The following SYNPR variants were observed in gnomAD, a reference collection of about 807,000 sequenced individuals.
SYNPR encodes the protein synaptoporin.
SYNPR carries 23 observed loss-of-function variants against 32.9 expected under a neutral mutation model. The ratio of observed to expected loss-of-function variants is 0.70; its 90% CI spans 0.50 to 0.99. SYNPR has a LOEUF of 0.99. SYNPR is among the 50% of genes least tolerant of loss of function. The pLI is 0.00. For synonymous variants in SYNPR, 146 were observed against 135.9 expected (o/e 1.07, Z -0.52); for missense variants, 318 against 349.3 (o/e 0.91, Z 0.71).
chr3:63,278,296 TC>T (rs2086594691), upstream of SYNPR: 1 of 565,220 alleles, frequency 1.8e-6, no homozygotes, highest in African/African-American at 1.9e-5. Context: ...CTGCCCCAGC[TC>T]TTCCCTGCCC....
intron 2 of SYNPR, among the ~76,000 whole-genome samples, chr3:63,285,001 A>C (rs2086667160): frequency 6.6e-6 from 1 of 152,124 alleles, no homozygotes; most frequent in African/African-American, 2.4e-5. Flanking sequence ...GAGCAGCCTC[A>C]CTCCCAACTT....
chr3:63,246,247 A>C (rs2106885123), intron 1 of SYNPR, among the ~76,000 whole-genome samples: 1 of 152,212 alleles, frequency 6.6e-6, no homozygotes, highest in South Asian at 2.1e-4. Flanking sequence ...TTTCTTTACA[A>C]AATCAAATAC....
chr3:63,310,778 G>T (rs2086956195), intron 2 of SYNPR, among the ~76,000 whole-genome samples: 1 of 151,982 alleles, frequency 6.6e-6, no homozygotes, highest in African/African-American at 2.4e-5. Context: ...AAGGTGTGGA[G>T]CCCTATATGA....
At chr3:63,559,014 C>T (rs1702638838) in intron 4 of SYNPR, among the ~76,000 whole-genome samples, 1 of 151,334 alleles carries the variant, frequency 6.6e-6, no homozygotes, top group African/African-American at 2.4e-5. Context: ...AGTAACTGTT[C>T]CATTGATACA....
At chr3:63,525,312 C>T (rs548528878) in intron 3 of SYNPR, among the ~76,000 whole-genome samples, 80 of 152,278 alleles carry the variant, frequency 5.3e-4, no homozygotes, top group African/African-American at 1.7e-3. Flanking sequence ...ACATTAGAAT[C>T]AGCTGTGGAA....
chr3:63,324,267 G>A (rs2087140405), intron 2 of SYNPR, among the ~76,000 whole-genome samples: 2 of 152,062 alleles, frequency 1.3e-5, no homozygotes, highest in Admixed American at 6.5e-5. Context: ...AGAAAGCAGA[G>A]AACCTGAGCT....
intron 2 of SYNPR, among the ~76,000 whole-genome samples, chr3:63,412,920 T>A (rs1408802592): frequency 6.6e-6 from 1 of 152,172 alleles, no homozygotes; most frequent in Non-Finnish European, 1.5e-5. Context: ...ATGGCTTTAA[T>A]AAGAGATCTG....
intron 3 of SYNPR, among the ~76,000 whole-genome samples, chr3:63,504,207 G>C (rs1701541495): frequency 6.6e-6 from 1 of 152,032 alleles, no homozygotes; most frequent in South Asian, 2.1e-4. Context: ...TGACTGTTCA[G>C]ACTTTTGGGA....
chr3:63,480,741 T>C, intron 2 of SYNPR, 91 bp from the exon 3 acceptor site: 2 of 1,479,258 alleles, frequency 1.4e-6, no homozygotes, highest in Non-Finnish European at 9.1e-7. Context: ...ATAAATTCCC[T>C]CAATCCAGAC....
chr3:63,203,068 G>GTGTGTGTGTGTATA, the SYNPR span: 2 of 108,584 alleles, frequency 1.8e-5, no homozygotes, highest in Non-Finnish European at 3.5e-5. Context: ...ATATGTATGT[G>GTGTGTGTGTGTATA]TATATATATA....
chr3:63,301,738 T>A (rs1000069527), intron 2 of SYNPR, among the ~76,000 whole-genome samples: 11 of 152,130 alleles, frequency 7.2e-5, no homozygotes, highest in African/African-American at 2.7e-4. Flanking sequence ...TAGGGAATTT[T>A]CTGTAGAAGC....
intron 3 of SYNPR, among the ~76,000 whole-genome samples, chr3:63,518,587 A>G (rs1701843195): frequency 6.6e-6 from 1 of 152,026 alleles, no homozygotes; most frequent in Non-Finnish European, 1.5e-5. Context: ...CTTTTGACAC[A>G]CCTAAATTCC....
At chr3:63,476,135 A>T (rs979622167) in intron 2 of SYNPR, among the ~76,000 whole-genome samples, 1 of 35,974 alleles carries the variant, frequency 2.8e-5, no homozygotes, top group Non-Finnish European at 5.3e-5. Context: ...GGAAGGAAGG[A>T]AGGAAGGAAG....
At chr3:63,264,438 A>G (rs1013743458) in intron 2 of SYNPR, among the ~76,000 whole-genome samples, 8 of 152,198 alleles carry the variant, frequency 5.3e-5, no homozygotes, top group African/African-American at 1.9e-4. Flanking sequence ...TCTATTAAGC[A>G]TGCAGAGAAA....
intron 3 of SYNPR, among the ~76,000 whole-genome samples, chr3:63,554,637 T>A (rs1702563412): frequency 6.6e-6 from 1 of 152,164 alleles, no homozygotes; most frequent in Admixed American, 6.6e-5. Context: ...TGAAATTGGG[T>A]ATTGTGATGT....
chr3:63,466,454 G>GTT (rs34563762), intron 2 of SYNPR, among the ~76,000 whole-genome samples: 45 of 145,758 alleles, frequency 3.1e-4, no homozygotes, highest in East Asian at 1.0e-3. Flanking sequence ...TTCAGGATTT[G>GTT]TTTTTTTTTT....
chr3:63,573,481 G>A (rs368661404), intron 4 of SYNPR, among the ~76,000 whole-genome samples: 45 of 152,170 alleles, frequency 3.0e-4, no homozygotes, highest in African/African-American at 9.1e-4. Flanking sequence ...TTAATGCTGC[G>A]GCCCCTCAAT....
intron 3 of SYNPR, among the ~76,000 whole-genome samples, chr3:63,553,678 T>C (rs1702541172): frequency 6.6e-6 from 1 of 152,116 alleles, no homozygotes; most frequent in Non-Finnish European, 1.5e-5. Context: ...TGAAGATGAG[T>C]ATTTTTTAAT....
At chr3:63,551,196 T>A (rs927736029) in intron 3 of SYNPR, among the ~76,000 whole-genome samples, 2 of 152,230 alleles carry the variant, frequency 1.3e-5, no homozygotes, top group Non-Finnish European at 2.9e-5. Context: ...GACTAGCTTC[T>A]TTCACTGAGC....
Sources: gnomAD v4.1 joint callset for allele counts (sites outside exome capture counted in the v4.1 genomes callset) on GRCh38, gnomAD v4.1.1 for gene constraint, MANE v1.5 for transcripts, NCBI Gene and HGNC (gene_info 2026-07-23, HGNC 2026-07-21) for gene names.